Variants in INPP4B observed in about 807,000 individuals in gnomAD.
INPP4B encodes the protein inositol polyphosphate 4-phosphatase type II.
In INPP4B, 55 loss-of-function variants were observed where a neutral mutation model predicts 122.5. The observed-to-expected ratio is 0.45, with a 90% CI of 0.36 to 0.56. The LOEUF (loss-of-function observed/expected upper bound fraction) is 0.56, where lower values mean the gene tolerates loss of function less well. Among genes scored for constraint, INPP4B ranks in the 20% least tolerant of loss-of-function variants. INPP4B has a pLI of 0.00. For missense variants in INPP4B, 1,000 were observed against 1,097.7 expected (o/e 0.91, Z 1.26); for synonymous variants, 403 against 388.7 (o/e 1.04, Z -0.43).
At chr4:142,291,865 G>C (rs1370833537) in intron 9 of INPP4B, among the ~76,000 whole-genome samples, 1 of 152,160 alleles carries the variant, frequency 6.6e-6, no homozygotes, top group Non-Finnish European at 1.5e-5. Flanking sequence ...TCCATGACTA[G>C]CATTTTTGGA....
At chr4:142,635,659 G>T (rs1055932075) in intron 2 of INPP4B, among the ~76,000 whole-genome samples, 3 of 152,060 alleles carry the variant, frequency 2.0e-5, no homozygotes, top group African/African-American at 7.2e-5. Context: ...TAAATGAGGA[G>T]AACACATAAA....
chr4:142,822,783 A>G (rs41343945), intron 1 of INPP4B, among the ~76,000 whole-genome samples: 7,124 of 152,140 alleles, frequency 0.047, 569 homozygotes, highest in African/African-American at 0.16. Flanking sequence ...CATTCTCTCC[A>G]TTTTTACATA....
intron 1 of INPP4B, among the ~76,000 whole-genome samples, chr4:142,831,415 C>T (rs543791086): frequency 3.9e-5 from 6 of 152,302 alleles, no homozygotes; most frequent in African/African-American, 1.2e-4. Context: ...AACTGTGCAG[C>T]TCAGAGTGCC....
At chr4:142,802,728 C>T (rs1778160723) in intron 1 of INPP4B, among the ~76,000 whole-genome samples, 1 of 151,878 alleles carries the variant, frequency 6.6e-6, no homozygotes, top group South Asian at 2.1e-4. Context: ...GGCTGAGAAA[C>T]TCCAATTTTT....
At chr4:142,193,336 T>A in intron 14 of INPP4B, 141 bp from the exon 15 acceptor site, 1 of 573,920 alleles carries the variant, frequency 1.7e-6, no homozygotes, top group Non-Finnish European at 3.1e-6. Context: ...AACTCACATC[T>A]CAAGGGGGAA....
chr4:142,711,587 T>C (rs1763123471), intron 2 of INPP4B, among the ~76,000 whole-genome samples: 1 of 152,120 alleles, frequency 6.6e-6, no homozygotes, highest in South Asian at 2.1e-4. Context: ...CTCTCACTAA[T>C]ACAGTTTTAA....
chr4:142,298,871 A>G (rs1181124648), intron 9 of INPP4B, among the ~76,000 whole-genome samples: 1 of 152,246 alleles, frequency 6.6e-6, no homozygotes, highest in East Asian at 1.9e-4. Flanking sequence ...AAGCAGAAAT[A>G]AAATCATTTT....
chr4:142,316,698 TAG>T lies in INPP4B; in HGVS notation c.373-1938_373-1937del, dbSNP rs572326423. 1.5e-3 allele frequency among the ~76,000 whole-genome samples: 226 copies of T among 152,268 alleles called. 1 individual carries two copies. The highest frequency in any genetic ancestry group is 5.2e-3 in the African/African-American group (215 of 41,550). ...AAATTGGTAAGATGGTCAATATACATAGAGTTGTATAAAGTATTTGATTTGGA... is the reference window on the plus strand; with the variant it reads ...AAATTGGTAAGATGGTCAATATACATAGTTGTATAAAGTATTTGATTTGGA... On this transcript the variant is annotated intron_variant, in intron 7 of 25. Coordinates refer to ENST00000262992, the MANE Select transcript of INPP4B (RefSeq NM_001101669.3).
At chr4:142,164,550 G>C (rs1051653821) in intron 16 of INPP4B, among the ~76,000 whole-genome samples, 1 of 151,698 alleles carries the variant, frequency 6.6e-6, no homozygotes, top group Non-Finnish European at 1.5e-5. Context: ...AAGCATGTTA[G>C]ACTAACAGCT....
At chr4:142,152,998 C>T (rs779220372) in intron 17 of INPP4B, among the ~76,000 whole-genome samples, 6 of 152,184 alleles carry the variant, frequency 3.9e-5, no homozygotes, top group Non-Finnish European at 7.3e-5. Context: ...AAGAAGTTCT[C>T]ATTACATGCA....
intron 25 of INPP4B, among the ~76,000 whole-genome samples, chr4:142,037,293 A>G (rs1167863763): frequency 6.6e-6 from 1 of 152,206 alleles, no homozygotes; most frequent in African/African-American, 2.4e-5. Context: ...ATATAATCCA[A>G]CGTGCATGAT....
At chr4:142,364,141 A>G (rs1786544000) in intron 7 of INPP4B, among the ~76,000 whole-genome samples, 1 of 152,068 alleles carries the variant, frequency 6.6e-6, no homozygotes, top group Non-Finnish European at 1.5e-5. Context: ...AAAATCTTCA[A>G]TAGGACTTCT....
chr4:142,493,612 G>T (rs1822153538), intron 2 of INPP4B, among the ~76,000 whole-genome samples: 1 of 152,110 alleles, frequency 6.6e-6, no homozygotes, highest in South Asian at 2.1e-4. Flanking sequence ...GAAGCCTGTA[G>T]CCCCTTTGAT....
intron 1 of INPP4B, among the ~76,000 whole-genome samples, chr4:142,728,604 C>G (rs1765641301): frequency 6.6e-6 from 1 of 152,082 alleles, no homozygotes; most frequent in African/African-American, 2.4e-5. Context: ...GAAGAGAAAG[C>G]CATGTGAACA....
chr4:142,320,396 T>C (rs1053309648), intron 7 of INPP4B, among the ~76,000 whole-genome samples: 1 of 152,222 alleles, frequency 6.6e-6, no homozygotes, highest in Non-Finnish European at 1.5e-5. Flanking sequence ...GGAACGATCT[T>C]AGAATTCCAC....
At chr4:142,840,332 G>A (rs919885608) in intron 1 of INPP4B, among the ~76,000 whole-genome samples, 1 of 152,180 alleles carries the variant, frequency 6.6e-6, no homozygotes, top group Admixed American at 6.5e-5. Context: ...AGCAGATGCT[G>A]TGAGGGGATT....
intron 25 of INPP4B, among the ~76,000 whole-genome samples, chr4:142,073,893 C>G (rs1431869522): frequency 3.3e-5 from 5 of 151,992 alleles, no homozygotes; most frequent in African/African-American, 1.2e-4. Flanking sequence ...CTTGCTACAC[C>G]TCATTTTCCA....
At chr4:142,842,041 T>C (rs1355949293) in intron 1 of INPP4B, among the ~76,000 whole-genome samples, 2 of 151,840 alleles carry the variant, frequency 1.3e-5, no homozygotes, top group Non-Finnish European at 3.0e-5. Flanking sequence ...AGGGAGGAGA[T>C]GTTGCCTTCA....
intron 3 of INPP4B, among the ~76,000 whole-genome samples, chr4:142,442,620 C>G (rs1471277603): frequency 6.6e-6 from 1 of 152,030 alleles, no homozygotes; most frequent in Non-Finnish European, 1.5e-5. Context: ...ACCCTAACTT[C>G]AAGGAAAACT....
Sources: allele counts gnomAD v4.1 joint callset (sites outside exome capture counted in the v4.1 genomes callset), GRCh38; gene constraint gnomAD v4.1.1; transcripts MANE v1.5; gene names NCBI Gene and HGNC (gene_info 2026-07-23, HGNC 2026-07-21).